CNTN6: variants seen among roughly 807,000 people sequenced by gnomAD.
CNTN6 encodes contactin-6.
A neutral mutation model predicts 122.8 loss-of-function variants in CNTN6; 137 were observed. That is an observed-to-expected ratio of 1.12 (90% CI 0.97 to 1.29). CNTN6 has a LOEUF of 1.29. Ranked by LOEUF, CNTN6 falls within the 50% of genes most tolerant of loss-of-function variation. The pLI, the probability that CNTN6 is intolerant of heterozygous loss-of-function variation, is 0.00. For missense variants in CNTN6, 1,634 were observed against 1,223.4 expected, an observed-to-expected ratio of 1.34 and a Z score of -5.01; for synonymous variants, 570 against 426.0, an observed-to-expected ratio of 1.34 and a Z score of -4.16.
chr3:1,113,662 A>T (rs537102583), intron 1 of CNTN6, among the ~76,000 whole-genome samples: 1 of 152,258 alleles, frequency 6.6e-6, no homozygotes, highest in Non-Finnish European at 1.5e-5. Context: ...ATGCTGTGTT[A>T]TATGTTTAAG....
chr3:1,251,365 C>T (rs929464821), intron 4 of CNTN6, among the ~76,000 whole-genome samples: 1 of 152,184 alleles, frequency 6.6e-6, no homozygotes, highest in Admixed American at 6.5e-5. Context: ...CTGCTAGATC[C>T]TATAATTCAC....
At chr3:1,159,969 C>T (rs1195450057) in intron 2 of CNTN6, among the ~76,000 whole-genome samples, 1 of 151,806 alleles carries the variant, frequency 6.6e-6, no homozygotes, top group African/African-American at 2.4e-5. Flanking sequence ...TACAGGCATG[C>T]GCCACCACAC....
rs932221201 is a variant in CNTN6, at chr3:1,247,086, C to T, written c.358+19093C>T. 2.0e-5 allele frequency among the ~76,000 whole-genome samples: 3 copies of T among 152,122 alleles called. No individual in the cohort carries two copies. In the South Asian group the frequency reaches 6.2e-4, roughly 32 times the overall value. ...TTGTAAAAAGTTTAAGAACTGTTTT[C>T]CTTCCTTGCGATCATATTTTCCTGT... On this transcript the variant is annotated intron_variant, in intron 4 of 22. Transcript: ENST00000446702.
At chr3:1,392,675 T>C (rs1361617902) in intron 20 of CNTN6, among the ~76,000 whole-genome samples, 1 of 144,710 alleles carries the variant, frequency 6.9e-6, no homozygotes, top group Non-Finnish European at 1.5e-5. Flanking sequence ...AGGGCTAATA[T>C]CAAGAATCTA....
chr3:1,313,052 T>G lies in CNTN6; in HGVS notation c.762-8598T>G, dbSNP rs764187113. ...ATTTCAGTCTCTTTACTTCTTTATATGAAAATTTATGATTCCAAACTGAGA... is the reference window on the plus strand; with the variant it reads ...ATTTCAGTCTCTTTACTTCTTTATAGGAAAATTTATGATTCCAAACTGAGA... On this transcript the variant is annotated intron_variant, in intron 7 of 22. Transcript: ENST00000446702. Among the ~76,000 whole-genome samples, 45 of 152,092 alleles carry G rather than the reference T, an allele frequency of 3.0e-4. 1 individual carries two copies. Among genetic ancestry groups the G allele is most frequent in the Non-Finnish European group, 2.2e-4 (15 of 68,006 alleles).
rs529050329 is a variant in CNTN6, at chr3:1,315,031, A to T, written c.762-6619A>T. Among the ~76,000 whole-genome samples, 6 of 152,064 alleles carry T rather than the reference A, an allele frequency of 3.9e-5. No individual in the cohort carries two copies. The South Asian group carries it at 1.2e-3, about 31-fold the overall frequency. On this transcript the variant is annotated intron_variant, in intron 7 of 22. Coordinates refer to ENST00000446702, the MANE Select transcript of CNTN6 (RefSeq NM_001289080.2). ...TAAAAAGAGAGAGGGGAGAAGTGTA[A>T]AATTGGAGTTTAAAGGGAAATGTTG...
intron 11 of CNTN6, among the ~76,000 whole-genome samples, chr3:1,347,136 C>T (rs1219189348): frequency 6.6e-6 from 1 of 152,278 alleles, no homozygotes; most frequent in Non-Finnish European, 1.5e-5. Flanking sequence ...AACTGTCAGA[C>T]ACAGCTTGTT....
At chr3:1,145,512 A>G (rs2081413191) in intron 1 of CNTN6, among the ~76,000 whole-genome samples, 2 of 152,112 alleles carry the variant, frequency 1.3e-5, no homozygotes, top group Admixed American at 6.6e-5. Flanking sequence ...AATAATGAAT[A>G]TCCGTTAAAT....
chr3:1,372,470 G>T lies in CNTN6; in HGVS notation c.1664G>T (p.Gly555Val), dbSNP rs1459668867. The T allele has an allele frequency of 6.2e-7, 1 of 1,602,530 alleles. No homozygotes were observed. Among genetic ancestry groups the T allele is most frequent in the African/African-American group, 1.3e-5 (1 of 74,282 alleles). The change falls in exon 13 of 23, where the codon GGA becomes GTA. Residue 555 changes from glycine (G) to valine (V), a missense_variant. Coordinates refer to ENST00000446702, the MANE Select transcript of CNTN6 (RefSeq NM_001289080.2). ...GGAGTGGCTCATTTTGAAAGGATTG[G>T]AGGAGTAAGTTACTGAAATTGTTAA... The part of the protein sequence containing the change: ...KKGVAHFERI[G>V]GESVGDLMIR...
At chr3:1,191,761 T>C (rs1313784874) in intron 2 of CNTN6, among the ~76,000 whole-genome samples, 2 of 152,154 alleles carry the variant, frequency 1.3e-5, no homozygotes. Flanking sequence ...CTGTGGGGGC[T>C]ACACTTACTC....
In CNTN6 at chr3:1,253,541, G is replaced by A. The variant is rs547733479; in HGVS notation, c.359-24872G>A. On this transcript the variant is annotated intron_variant, in intron 4 of 22. Transcript: ENST00000446702. The stretch of plus-strand genomic sequence containing the variant: ...CGTATTGATGACATCGTTTTCAACT[G>A]ATTTGACTTCTCAAAATTACTAAAC... Among the ~76,000 whole-genome samples, 21 of 152,262 alleles carry A rather than the reference G, an allele frequency of 1.4e-4. No individual in the cohort carries two copies. The South Asian group carries it at 4.1e-3, about 30-fold the overall frequency.
At chr3:1,093,853 T>C (rs994181475) in intron 1 of CNTN6, among the ~76,000 whole-genome samples, 13 of 152,196 alleles carry the variant, frequency 8.5e-5, no homozygotes, top group African/African-American at 3.1e-4. Context: ...GTATAACCCA[T>C]TATGTTAATG....
At chr3:1,254,072 AT>A (rs1252170965) in intron 4 of CNTN6, among the ~76,000 whole-genome samples, 1 of 152,206 alleles carries the variant, frequency 6.6e-6, no homozygotes, top group Admixed American at 6.5e-5. Flanking sequence ...AGAAATGTCT[AT>A]AAAAATATTA....
At chr3:1,379,301 C>A (rs1170599733) in intron 17 of CNTN6, among the ~76,000 whole-genome samples, 1 of 152,190 alleles carries the variant, frequency 6.6e-6, no homozygotes, top group Non-Finnish European at 1.5e-5. Flanking sequence ...AATAAATCCA[C>A]CCATAGCTAC....
intron 17 of CNTN6, 95 bp downstream of exon 17, chr3:1,377,170 A>G: frequency 1.3e-6 from 1 of 792,936 alleles, no homozygotes; most frequent in East Asian, 2.7e-5. Flanking sequence ...ATCACTATTG[A>G]GAGCGTAAAA....
intron 7 of CNTN6, among the ~76,000 whole-genome samples, chr3:1,318,938 C>A (rs1700480858): frequency 6.6e-6 from 1 of 151,694 alleles, no homozygotes; most frequent in African/African-American, 2.4e-5. Context: ...GGACGTGAGT[C>A]CAGCACTGAC....
At chr3:1,376,948 C>G (rs1709950197) in intron 16 of CNTN6, 57 bp from the exon 17 acceptor site, 1 of 1,176,732 alleles carries the variant, frequency 8.5e-7, no homozygotes, top group Non-Finnish European at 1.2e-6. Flanking sequence ...CAAAATTCTT[C>G]CTGATGAAGA....
intron 11 of CNTN6, among the ~76,000 whole-genome samples, chr3:1,330,824 T>C (rs1702188074): frequency 6.6e-6 from 1 of 151,780 alleles, no homozygotes; most frequent in Non-Finnish European, 1.5e-5. Context: ...TTGGAAGAAA[T>C]GACTGTGACG....
intron 17 of CNTN6, among the ~76,000 whole-genome samples, chr3:1,381,862 G>T (rs1368847742): frequency 6.6e-6 from 1 of 152,132 alleles, no homozygotes; most frequent in African/African-American, 2.4e-5. Flanking sequence ...GACCAGGTCT[G>T]TTAGTCACCG....
Sources: allele counts gnomAD v4.1 joint callset (sites outside exome capture counted in the v4.1 genomes callset), GRCh38; gene constraint gnomAD v4.1.1; transcripts MANE v1.5; gene names NCBI Gene and HGNC (gene_info 2026-07-23, HGNC 2026-07-21).